The following MAOB variants were observed in gnomAD, a reference collection of about 807,000 sequenced individuals.
MAOB encodes the protein amine oxidase [flavin-containing] B.
In MAOB, 15 loss-of-function variants were observed where a neutral mutation model predicts 41.9. The ratio of observed to expected loss-of-function variants is 0.36; its 90% CI spans 0.24 to 0.55. MAOB has a LOEUF of 0.55. Among genes scored for constraint, MAOB ranks in the 20% least tolerant of loss-of-function variants. The pLI, the probability that MAOB is intolerant of heterozygous loss-of-function variation, is 0.86. For synonymous variants in MAOB, 167 were observed against 144.2 expected, an observed-to-expected ratio of 1.16 and a Z score of -1.13; for missense variants, 345 against 398.7, an observed-to-expected ratio of 0.87 and a Z score of 1.15.
intron 1 of MAOB, among the ~76,000 whole-genome samples, chrX:43,857,034 T>C (rs2035294295): frequency 1.1e-5 from 1 of 92,422 alleles, no homozygotes; most frequent in East Asian, 3.7e-4. Flanking sequence ...ACAAACACCA[T>C]TGACTAGAAA....
In MAOB at chrX:43,803,405, C is replaced by T. The variant is rs2034622037; in HGVS notation, c.280-1G>A. ...GCCCCCTGAAGGGGTATGATTTGCC[C>T]TGTGAGATACAAGATATTTTTAAAA... On this transcript the variant is annotated splice_acceptor_variant, in intron 3 of 14. Coordinates refer to ENST00000378069, the MANE Select transcript of MAOB (RefSeq NM_000898.5). LOFTEE classifies it high-confidence loss of function. 1 of 1,166,984 alleles carries T rather than the reference C, an allele frequency of 8.6e-7. No homozygotes were observed. The highest frequency in any genetic ancestry group is 1.1e-6 in the Non-Finnish European group (1 of 881,001).
intron 10 of MAOB, 67 bp from the exon 11 acceptor site, chrX:43,778,806 A>C (rs1209639240): frequency 3.6e-6 from 3 of 844,226 alleles, no homozygotes; most frequent in Non-Finnish European, 5.2e-6. Flanking sequence ...AGTGGGAAAG[A>C]GGCATTTATC....
At chrX:43,824,742 T>C (rs754951341) in intron 3 of MAOB, among the ~76,000 whole-genome samples, 4 of 111,637 alleles carry the variant, frequency 3.6e-5, no homozygotes, top group African/African-American at 1.3e-4. Flanking sequence ...GAAAGCAGAG[T>C]AACAGCTGGG....
intron 3 of MAOB, among the ~76,000 whole-genome samples, chrX:43,827,152 G>A (rs1264376060): frequency 8.9e-6 from 1 of 111,797 alleles, no homozygotes; most frequent in Non-Finnish European, 1.9e-5. Flanking sequence ...TCAAGTGGAG[G>A]GAATAGCAAG....
At chrX:43,789,674 G>A (rs930262217) in intron 8 of MAOB, among the ~76,000 whole-genome samples, 3 of 111,421 alleles carry the variant, frequency 2.7e-5, no homozygotes, top group African/African-American at 9.8e-5. Flanking sequence ...CAAAATATAG[G>A]AAGCCTGTCC....
chrX:43,777,528 G>A (rs950713778), intron 11 of MAOB, among the ~76,000 whole-genome samples: 1 of 111,872 alleles, frequency 8.9e-6, no homozygotes, highest in African/African-American at 3.3e-5. Context: ...ATGGTGGGGC[G>A]AGGAGGGAGG....
chrX:43,830,654 G>A (rs946239869), intron 3 of MAOB, among the ~76,000 whole-genome samples: 2 of 111,441 alleles, frequency 1.8e-5, no homozygotes, highest in Non-Finnish European at 3.8e-5. Context: ...TTATTGGCCT[G>A]GTCCTCTTTT....
intron 1 of MAOB, chrX:43,850,210 T>C (rs1036935419): frequency 7.3e-6 from 2 of 274,578 alleles, no homozygotes; most frequent in Non-Finnish European, 9.9e-6. Context: ...GCCTCAGCCT[T>C]ATTACCTCCT....
At chrX:43,862,690 T>C (rs2035340384) in intron 1 of MAOB, among the ~76,000 whole-genome samples, 1 of 111,821 alleles carries the variant, frequency 8.9e-6, no homozygotes, top group East Asian at 2.8e-4. Context: ...ACTCACTGAA[T>C]ACATGCACCG....
chrX:43,850,245 T>G (rs774232508), intron 1 of MAOB: 63 of 534,408 alleles, frequency 1.2e-4, no homozygotes, highest in Non-Finnish European at 1.4e-4. Context: ...TCCATGTTGC[T>G]AAAACAAAAT....
intron 1 of MAOB, among the ~76,000 whole-genome samples, chrX:43,845,985 C>T (rs1569228479): frequency 8.9e-6 from 1 of 112,198 alleles, no homozygotes; most frequent in African/African-American, 3.2e-5. Flanking sequence ...GAACCCCATG[C>T]AGTGCACACA....
intron 1 of MAOB, among the ~76,000 whole-genome samples, chrX:43,853,267 C>CAAAAAAA (rs397957481): frequency 2.3e-4 from 6 of 26,420 alleles, no homozygotes; most frequent in East Asian, 9.3e-4. Context: ...GAGTCCGTCT[C>CAAAAAAA]AAAAAAAAAA....
chrX:43,822,873 T>C (rs144884228), intron 3 of MAOB, among the ~76,000 whole-genome samples: 1 of 111,327 alleles, frequency 9.0e-6, no homozygotes, highest in Non-Finnish European at 1.9e-5. Context: ...AGTATCATCA[T>C]GATCATTACC....
intron 1 of MAOB, among the ~76,000 whole-genome samples, chrX:43,857,162 G>GAAGA (rs1196441154): frequency 1.9e-5 from 1 of 53,868 alleles, no homozygotes; most frequent in East Asian, 7.5e-4. Context: ...GAGAGAGAGA[G>GAAGA]AGAAGAAGAG....
intron 3 of MAOB, among the ~76,000 whole-genome samples, chrX:43,835,087 T>G (rs1181591776): frequency 2.7e-5 from 3 of 112,160 alleles, no homozygotes; most frequent in Non-Finnish European, 3.8e-5. Context: ...CCTTAGAATT[T>G]TCTCCAACTT....
chrX:43,855,697 G>C (rs746372095), intron 1 of MAOB, among the ~76,000 whole-genome samples: 1 of 111,920 alleles, frequency 8.9e-6, no homozygotes, highest in Admixed American at 9.5e-5. Flanking sequence ...CAATTAGAAT[G>C]GGCCTTGCAT....
chrX:43,769,086 C>A (rs1402854547), intron 13 of MAOB, among the ~76,000 whole-genome samples: 1 of 111,775 alleles, frequency 8.9e-6, no homozygotes, highest in Admixed American at 9.5e-5. Flanking sequence ...TGATCGTTTG[C>A]CCCATGGGCT....
chrX:43,861,611 T>C (rs1034713735), intron 1 of MAOB, among the ~76,000 whole-genome samples: 1 of 111,747 alleles, frequency 8.9e-6, no homozygotes, highest in African/African-American at 3.2e-5. Context: ...CTTTCATCAG[T>C]AACACCATTT....
At chrX:43,790,582 AAACTTTTTTTTTTT>A (rs1341194938) in intron 8 of MAOB, among the ~76,000 whole-genome samples, 1 of 110,688 alleles carries the variant, frequency 9.0e-6, no homozygotes, top group African/African-American at 3.3e-5. Context: ...TCATGTCAAC[AAACTTTTTTTTTTT>A]TGAGATAGAG....
Sources: gnomAD v4.1 joint callset for allele counts (sites outside exome capture counted in the v4.1 genomes callset) on GRCh38, gnomAD v4.1.1 for gene constraint, MANE v1.5 for transcripts, NCBI Gene and HGNC (gene_info 2026-07-23, HGNC 2026-07-21) for gene names.